Variants in FARS2 observed in about 807,000 individuals in gnomAD.
FARS2 encodes phenylalanyl-tRNA synthetase 2, mitochondrial, also known as phenylalanine--tRNA ligase, mitochondrial.
In FARS2, 40 loss-of-function variants were observed where a neutral mutation model predicts 46.4. The ratio of observed to expected loss-of-function variants is 0.86; its 90% CI spans 0.67 to 1.12. FARS2 has a LOEUF of 1.12. FARS2 is among the 50% of genes most tolerant of loss of function. FARS2 has a pLI of 0.00. For missense variants in FARS2, 513 were observed against 567.9 expected (o/e 0.90, Z 0.98); for synonymous variants, 234 against 214.9 (o/e 1.09, Z -0.78).
chr6:5,283,961 A>G (rs993195326), intron 1 of FARS2, among the ~76,000 whole-genome samples: 1 of 152,228 alleles, frequency 6.6e-6, no homozygotes, highest in African/African-American at 2.4e-5. Context: ...TGCCGAAATA[A>G]AGGATATATG....
intron 1 of FARS2, among the ~76,000 whole-genome samples, chr6:5,322,989 C>T (rs1243185039): frequency 6.6e-6 from 1 of 152,146 alleles, no homozygotes; most frequent in African/African-American, 2.4e-5. Flanking sequence ...TTACCAAAAA[C>T]AATTGTTTTA....
chr6:5,644,835 T>C (rs979056154), intron 6 of FARS2, among the ~76,000 whole-genome samples: 3 of 152,142 alleles, frequency 2.0e-5, no homozygotes, highest in African/African-American at 7.2e-5. Flanking sequence ...TCCAAAAGGA[T>C]TGAGAGAAAC....
At position 5,284,735 on chromosome 6, in the gene FARS2, T is replaced by G. The variant is rs368038671; in HGVS notation, c.-22+23075T>G. Reference sequence around the variant, plus strand: ...CCTGACTAGTGTTCTCATTTCACCTTCTTGAAATGTTCTCCCTCCTCTTCT... The same window carrying G: ...CCTGACTAGTGTTCTCATTTCACCTGCTTGAAATGTTCTCCCTCCTCTTCT... On this transcript the variant is annotated intron_variant, in intron 1 of 6. Coordinates refer to ENST00000274680, the MANE Select transcript of FARS2 (RefSeq NM_006567.5). Among the ~76,000 whole-genome samples, 48 of 152,268 alleles carry G rather than the reference T, an allele frequency of 3.2e-4. No homozygotes were observed. In the South Asian group the frequency reaches 9.5e-3, roughly 30 times the overall value.
chr6:5,714,186 G>A (rs1759353766), intron 6 of FARS2, among the ~76,000 whole-genome samples: 1 of 152,146 alleles, frequency 6.6e-6, no homozygotes, highest in African/African-American at 2.4e-5. Context: ...TTGACAAGGA[G>A]CCAAAGCACT....
intron 2 of FARS2, among the ~76,000 whole-genome samples, chr6:5,372,018 A>G (rs1370630799): frequency 6.6e-6 from 1 of 152,104 alleles, no homozygotes; most frequent in Non-Finnish European, 1.5e-5. Context: ...TGGTACAGCA[A>G]TATTAATATT....
chr6:5,756,842 A>G (rs1055495332), intron 6 of FARS2, among the ~76,000 whole-genome samples: 21 of 152,250 alleles, frequency 1.4e-4, no homozygotes, highest in African/African-American at 4.8e-4. Flanking sequence ...ACAAAGAGGT[A>G]GACATACTCT....
chr6:5,710,715 G>A (rs1759090208), intron 6 of FARS2, among the ~76,000 whole-genome samples: 1 of 152,218 alleles, frequency 6.6e-6, no homozygotes, highest in African/African-American at 2.4e-5. Context: ...CCCAGAGAGA[G>A]GGCTCTGGAT....
intron 5 of FARS2, among the ~76,000 whole-genome samples, chr6:5,605,960 TTAG>T (rs1774809716): frequency 6.6e-6 from 1 of 152,002 alleles, no homozygotes; most frequent in South Asian, 2.1e-4. Context: ...GACAGGAGAA[TTAG>T]TAGTTAAGAC....
chr6:5,727,313 C>T lies in FARS2; in HGVS notation c.1218-43978C>T, dbSNP rs1394895489. ...TCCTCTGCACAGAACTTTCCCTCCT[C>T]CCTTGGTCTCCTGGAACACTGCGTT... On this transcript the variant is annotated intron_variant, in intron 6 of 6. Coordinates refer to ENST00000274680, the MANE Select transcript of FARS2 (RefSeq NM_006567.5). This position sits in a 1 kb window ranked among gnomAD's most constrained non-coding sequence, Gnocchi z 4.1. Among the ~76,000 whole-genome samples, 1 of 152,202 alleles carries T rather than the reference C, an allele frequency of 6.6e-6. No homozygotes were observed.
At chr6:5,674,309 C>G (rs1477670080) in intron 6 of FARS2, among the ~76,000 whole-genome samples, 1 of 151,644 alleles carries the variant, frequency 6.6e-6, no homozygotes, top group Non-Finnish European at 1.5e-5. Flanking sequence ...GCCTGTAAGC[C>G]TAATACTGGC....
chr6:5,759,585 G>T (rs1407552349), intron 6 of FARS2, among the ~76,000 whole-genome samples: 1 of 152,174 alleles, frequency 6.6e-6, no homozygotes, highest in Non-Finnish European at 1.5e-5. Context: ...AACATCATAT[G>T]TGCTGCTTCC....
rs74628458 is a variant in FARS2, at chr6:5,399,481, G to T, written c.613-5061G>T. ...GTCAGGATTTTATTTTTAATGTTTT[G>T]CGTAGATAAAGTATTAACGTCCTTC... On this transcript the variant is annotated intron_variant, in intron 2 of 6. Coordinates refer to ENST00000274680, the MANE Select transcript of FARS2 (RefSeq NM_006567.5). 2.7e-4 allele frequency among the ~76,000 whole-genome samples: 41 copies of T among 152,038 alleles called. No homozygotes were observed. The East Asian group carries it at 7.5e-3, about 28-fold the overall frequency.
intron 4 of FARS2, among the ~76,000 whole-genome samples, chr6:5,536,288 C>T (rs2150472929): frequency 6.6e-6 from 1 of 152,202 alleles, no homozygotes; most frequent in African/African-American, 2.4e-5. Context: ...ACCTCGGCCT[C>T]CCAAAGTGCT....
intron 1 of FARS2, among the ~76,000 whole-genome samples, chr6:5,300,458 A>T (rs1768218926): frequency 6.6e-6 from 1 of 151,998 alleles, no homozygotes; most frequent in African/African-American, 2.4e-5. Context: ...TTTGGGTTTG[A>T]TATGGCATTC....
chr6:5,366,313 G>T (rs6904789), intron 1 of FARS2, among the ~76,000 whole-genome samples: 1 of 152,108 alleles, frequency 6.6e-6, no homozygotes, highest in South Asian at 2.1e-4. Flanking sequence ...TATGAATGTC[G>T]TTGGTCTTAT....
At position 5,404,664 on chromosome 6, in the gene FARS2, A is replaced by T; in HGVS notation, c.735A>T (p.Gln245His). The change falls in exon 3 of 7, where the codon CAA becomes CAT. Residue 245 changes from glutamine to histidine, a missense_variant. Gln to His is a conservative substitution (Grantham distance 24). Transcript: ENST00000274680. ...AVKLVEFDLK[Q>H]TLTRLMAHLF... ...AGCTTGTAGAGTTTGATCTTAAGCA[A>T]ACGCTTACCAGGCTCATGGCACATC... 3 of 1,607,722 alleles carry T rather than the reference A, an allele frequency of 1.9e-6. No homozygotes were observed. Among genetic ancestry groups the T allele is most frequent in the Non-Finnish European group, 2.5e-6 (3 of 1,176,566 alleles).
At chr6:5,736,714 G>A (rs1273750156) in intron 6 of FARS2, among the ~76,000 whole-genome samples, 1 of 151,596 alleles carries the variant, frequency 6.6e-6, no homozygotes, top group African/African-American at 2.4e-5. Flanking sequence ...ATTTATCCTA[G>A]AAATGGCTGC....
At chr6:5,753,923 A>G (rs1762078312) in intron 6 of FARS2, among the ~76,000 whole-genome samples, 1 of 152,242 alleles carries the variant, frequency 6.6e-6, no homozygotes, top group Non-Finnish European at 1.5e-5. Context: ...GAGATTGCCT[A>G]CATAGTGTCT....
rs530346534 is a variant in FARS2, at chr6:5,761,542, G to A, written c.1218-9749G>A. Among the ~76,000 whole-genome samples the A allele has an allele frequency of 5.0e-4, 76 of 152,282 alleles. 3 individuals are homozygous for A. In the South Asian group the frequency reaches 0.015, roughly 30 times the overall value. On this transcript the variant is annotated intron_variant, in intron 6 of 6. Transcript: ENST00000274680. ...TACCTGACTCATCCACCAAAGTGTC[G>A]ACACGATTGGGAGGCTGCCTTGTAA...
Sources: allele counts gnomAD v4.1 joint callset (sites outside exome capture counted in the v4.1 genomes callset), GRCh38; gene constraint gnomAD v4.1.1; non-coding constraint Gnocchi (gnomAD v3.1); transcripts MANE v1.5; gene names NCBI Gene and HGNC (gene_info 2026-07-23, HGNC 2026-07-21).